Variants in BCAR3 observed in about 807,000 individuals in gnomAD.
The protein encoded by BCAR3 is breast cancer anti-estrogen resistance protein 3.
In BCAR3, 37 loss-of-function variants were observed where a neutral mutation model predicts 80.1. The observed-to-expected ratio is 0.46, with a 90% CI of 0.36 to 0.61. The LOEUF (loss-of-function observed/expected upper bound fraction) is 0.61. Ranked by LOEUF, BCAR3 falls within the 20% of genes least tolerant of loss-of-function variation. BCAR3 has a pLI of 0.00. For synonymous variants in BCAR3, 389 were observed against 418.9 expected (o/e 0.93, Z 0.87); for missense variants, 978 against 1,068.2 (o/e 0.92, Z 1.18).
intron 2 of BCAR3, among the ~76,000 whole-genome samples, chr1:93,768,297 G>A (rs1358520008): frequency 6.7e-6 from 1 of 150,152 alleles, no homozygotes; most frequent in Non-Finnish European, 1.5e-5. Context: ...GTGTACAACA[G>A]CCCAACAAAA....
rs749674466 is a variant in BCAR3 at position 93,582,322 on chromosome 1, G to T, written c.1665C>A (p.His555Gln). Residue 555 changes from histidine (H) to glutamine (Q), a missense_variant, in exon 7 of 12, where the codon CAC becomes CAA. Transcript: ENST00000260502. ...TTACCCTGCAGTCCATGCTCAGTAC[G>T]TGCTGGGCGATGACCTTGGGGTCGT... Reference protein sequence around the residue: ...TNNDPKVIAQHVLSMDCRVAR... With the variant: ...TNNDPKVIAQQVLSMDCRVAR... 1 of 1,614,124 alleles carries T rather than the reference G, an allele frequency of 6.2e-7. No individual in the cohort carries two copies. Among genetic ancestry groups the T allele is most frequent in the South Asian group, 1.1e-5 (1 of 91,078 alleles).
At chr1:93,820,912 T>TG (rs35772261) in intron 2 of BCAR3, among the ~76,000 whole-genome samples, 45,287 of 144,832 alleles carry the variant, frequency 0.31, 10,203 homozygotes, top group African/African-American at 0.64. Context: ...CATTACAAAT[T>TG]ACATCTTATC....
intron 2 of BCAR3, among the ~76,000 whole-genome samples, chr1:93,747,804 C>T (rs1651410329): frequency 6.6e-6 from 1 of 151,732 alleles, no homozygotes; most frequent in African/African-American, 2.4e-5. Context: ...CTGCCACTTC[C>T]CCCAGTGTGC....
chr1:93,830,494 T>G (rs1465564415), intron 2 of BCAR3, among the ~76,000 whole-genome samples: 1 of 152,114 alleles, frequency 6.6e-6, no homozygotes, highest in Middle Eastern at 3.2e-3. Flanking sequence ...GCGATTAACC[T>G]TGTGAAATTC....
chr1:93,577,849 C>T (rs992139013), intron 7 of BCAR3, among the ~76,000 whole-genome samples: 2 of 152,016 alleles, frequency 1.3e-5, no homozygotes, highest in Non-Finnish European at 2.9e-5. Context: ...GGCAGATGGG[C>T]GGCGGCCCCT....
chr1:93,785,975 T>C (rs979136529), intron 2 of BCAR3, among the ~76,000 whole-genome samples: 2 of 115,342 alleles, frequency 1.7e-5, no homozygotes, highest in Non-Finnish European at 1.7e-5. Flanking sequence ...GGGCGGATCA[T>C]GAGGTCAGGA....
At chr1:93,831,720 T>C (rs1654573237) in intron 2 of BCAR3, among the ~76,000 whole-genome samples, 2 of 152,236 alleles carry the variant, frequency 1.3e-5, no homozygotes, top group African/African-American at 4.8e-5. Flanking sequence ...CTTGGCAGGC[T>C]GAGCCAGGTC....
intron 2 of BCAR3, among the ~76,000 whole-genome samples, chr1:93,804,725 A>G (rs1653604705): frequency 6.6e-6 from 1 of 152,248 alleles, no homozygotes; most frequent in Non-Finnish European, 1.5e-5. Flanking sequence ...GTTGACTGCA[A>G]GTAACTGAAA....
At chr1:93,593,397 C>T (rs1438406995) in intron 3 of BCAR3, among the ~76,000 whole-genome samples, 1 of 152,148 alleles carries the variant, frequency 6.6e-6, no homozygotes, top group East Asian at 1.9e-4. Flanking sequence ...TCTCACTGTG[C>T]TAGAGCACAG....
chr1:93,797,289 A>C (rs897716885), intron 2 of BCAR3, among the ~76,000 whole-genome samples: 2 of 152,140 alleles, frequency 1.3e-5, no homozygotes, highest in Admixed American at 1.3e-4. Flanking sequence ...TTCCTTCTGA[A>C]AGAGTATGCT....
At chr1:93,564,722 T>TTTGCATATGGATATCC (rs1553225291) in intron 11 of BCAR3, among the ~76,000 whole-genome samples, 1 of 152,234 alleles carries the variant, frequency 6.6e-6, no homozygotes, top group Non-Finnish European at 1.5e-5. Flanking sequence ...GATTCACTTT[T>TTTGCATATGGATATCC]TTGCATATGG....
intron 2 of BCAR3, among the ~76,000 whole-genome samples, chr1:93,650,467 C>G (rs967940419): frequency 1.3e-5 from 2 of 152,172 alleles, no homozygotes; most frequent in Non-Finnish European, 2.9e-5. Context: ...AGCCAGACTA[C>G]CTGGTTTCAA....
chr1:93,669,270 C>T (rs1648088846), intron 2 of BCAR3, among the ~76,000 whole-genome samples: 1 of 152,122 alleles, frequency 6.6e-6, no homozygotes, highest in Admixed American at 6.5e-5. Flanking sequence ...ATAACTAAAA[C>T]CATTTTTCAG....
chr1:93,682,848 C>T (rs1216633200), upstream of BCAR3, among the ~76,000 whole-genome samples: 3 of 152,112 alleles, frequency 2.0e-5, no homozygotes, highest in Non-Finnish European at 2.9e-5. Context: ...CCACCGCGCC[C>T]GGCCTCCAGA....
chr1:93,724,691 A>G (rs1046597009), intron 2 of BCAR3, among the ~76,000 whole-genome samples: 3 of 152,116 alleles, frequency 2.0e-5, no homozygotes, highest in African/African-American at 7.2e-5. Flanking sequence ...TGGGCCTTGG[A>G]GAGGTGGGCC....
At chr1:93,642,728 G>A (rs1305974101) in intron 2 of BCAR3, among the ~76,000 whole-genome samples, 5 of 152,216 alleles carry the variant, frequency 3.3e-5, no homozygotes, top group Non-Finnish European at 1.5e-5. Context: ...TTAATCCCCA[G>A]AACGTCCCCA....
intron 2 of BCAR3, among the ~76,000 whole-genome samples, chr1:93,743,757 T>C (rs1651259052): frequency 6.6e-6 from 1 of 152,246 alleles, no homozygotes; most frequent in South Asian, 2.1e-4. Context: ...GACTACATTA[T>C]TTGTCTATAA....
chr1:93,645,606 G>A (rs1676128118), intron 2 of BCAR3, among the ~76,000 whole-genome samples: 2 of 150,942 alleles, frequency 1.3e-5, no homozygotes, highest in Non-Finnish European at 2.9e-5. Context: ...CTTATTTCAT[G>A]GCTAAAGTAC....
chr1:93,707,215 T>C (rs1649857545), intron 2 of BCAR3, among the ~76,000 whole-genome samples: 1 of 152,098 alleles, frequency 6.6e-6, no homozygotes, highest in Non-Finnish European at 1.5e-5. Flanking sequence ...ACAAACTGTA[T>C]AATATTATTG....
Sources: gnomAD v4.1 joint callset for allele counts (sites outside exome capture counted in the v4.1 genomes callset) on GRCh38, gnomAD v4.1.1 for gene constraint, MANE v1.5 for transcripts, NCBI Gene and HGNC (gene_info 2026-07-23, HGNC 2026-07-21) for gene names.